Variants in AGAP1 observed in about 807,000 individuals in gnomAD.
AGAP1 encodes ArfGAP with GTPase domain, ankyrin repeat and PH domain 1.
In AGAP1, 29 loss-of-function variants were observed where a neutral mutation model predicts 105.3. The ratio of observed to expected loss-of-function variants is 0.28; its 90% confidence interval spans 0.21 to 0.38. The LOEUF is 0.38. Ranked by LOEUF, AGAP1 falls within the 10% of genes least tolerant of loss-of-function variation. AGAP1 has a pLI of 1.00. For synonymous variants in AGAP1, 509 were observed against 485.9 expected (o/e 1.05, Z -0.63); for missense variants, 998 against 1,165.1 (o/e 0.86, Z 2.09).
chr2:235,760,327 T>C (rs781244341), intron 6 of AGAP1, among the ~76,000 whole-genome samples: 1 of 152,166 alleles, frequency 6.6e-6, no homozygotes, highest in Non-Finnish European at 1.5e-5. Flanking sequence ...TGCAGTGAGC[T>C]GAGATCACGC....
intron 8 of AGAP1, among the ~76,000 whole-genome samples, chr2:235,805,274 A>T (rs1957780705): frequency 6.6e-6 from 1 of 152,094 alleles, no homozygotes; most frequent in Non-Finnish European, 1.5e-5. Context: ...TCAGATATTG[A>T]GTTTGGTGGT....
At chr2:235,949,929 C>G (rs544931151) in intron 12 of AGAP1, among the ~76,000 whole-genome samples, 1 of 152,294 alleles carries the variant, frequency 6.6e-6, no homozygotes, top group East Asian at 1.9e-4. Flanking sequence ...AACTAGAAAA[C>G]TAACTGGAAT....
At chr2:236,017,133 A>T (rs1250078632) in intron 13 of AGAP1, among the ~76,000 whole-genome samples, 3 of 147,232 alleles carry the variant, frequency 2.0e-5, no homozygotes, top group East Asian at 2.0e-4. Context: ...TACTAAAAAT[A>T]AAAAAAAAAA....
rs947284066 is a variant in AGAP1, at chr2:235,958,505, A to T, written c.1484-9957A>T. Reference sequence around the variant, plus strand: ...ACTCATCTCTTGAATATCACCCGGGATATCAAAAACCTATCAGCACACCTG... The same window carrying T: ...ACTCATCTCTTGAATATCACCCGGGTTATCAAAAACCTATCAGCACACCTG... On this transcript the variant is annotated intron_variant, in intron 12 of 17. Coordinates refer to ENST00000304032, the MANE Select transcript of AGAP1 (RefSeq NM_001037131.3). The surrounding 1 kb of genome is among the most constrained non-coding windows in gnomAD (Gnocchi z 4.1). Among the ~76,000 whole-genome samples the T allele has an allele frequency of 3.3e-5, 5 of 152,192 alleles. No homozygotes were observed. Among genetic ancestry groups the T allele is most frequent in the Admixed American group, 3.3e-4 (5 of 15,294 alleles).
At chr2:235,510,404 A>G (rs554375831) in intron 1 of AGAP1, among the ~76,000 whole-genome samples, 7 of 152,154 alleles carry the variant, frequency 4.6e-5, no homozygotes, top group Non-Finnish European at 1.0e-4. Context: ...TTGCTGAGTA[A>G]TGTTCCATTG....
chr2:235,958,221 A>T lies in AGAP1; in HGVS notation c.1484-10241A>T, dbSNP rs942033332. ...CTAGCAAATTCGTGGCGTGCCCCTC[A>T]TCAAACTACGTCCCCTGAGGGAGAG... On this transcript the variant is annotated intron_variant, in intron 12 of 17. Transcript: ENST00000304032. This position sits in a 1 kb window ranked among gnomAD's most constrained non-coding sequence, Gnocchi z 4.1. Among the ~76,000 whole-genome samples the T allele has an allele frequency of 2.6e-5, 4 of 152,096 alleles. No individual in the cohort carries two copies. The highest frequency in any genetic ancestry group is 7.2e-5 in the African/African-American group (3 of 41,432).
chr2:235,808,703 C>T (rs1957971238), intron 9 of AGAP1, among the ~76,000 whole-genome samples: 1 of 152,150 alleles, frequency 6.6e-6, no homozygotes, highest in African/African-American at 2.4e-5. Flanking sequence ...CACCAAGGCC[C>T]TCAGGCATCT....
chr2:236,022,286 C>T (rs2056911118), intron 13 of AGAP1, among the ~76,000 whole-genome samples: 1 of 152,184 alleles, frequency 6.6e-6, no homozygotes, highest in South Asian at 2.1e-4. Flanking sequence ...TGCTTCTTCA[C>T]AGAATTAATC....
At chr2:235,986,163 T>G (rs912015714) in intron 13 of AGAP1, among the ~76,000 whole-genome samples, 3 of 152,158 alleles carry the variant, frequency 2.0e-5, no homozygotes, top group African/African-American at 4.8e-5. Flanking sequence ...GGTTTGTCGT[T>G]CTCCTTGCAC....
chr2:235,776,263 G>T (rs527907812), intron 6 of AGAP1, among the ~76,000 whole-genome samples: 1 of 152,178 alleles, frequency 6.6e-6, no homozygotes, highest in Non-Finnish European at 1.5e-5. Flanking sequence ...CCTCGCAGGG[G>T]TGGTCAGGAC....
intron 13 of AGAP1, among the ~76,000 whole-genome samples, chr2:236,018,093 C>A (rs979930940): frequency 2.0e-5 from 3 of 152,180 alleles, no homozygotes; most frequent in Non-Finnish European, 4.4e-5. Context: ...GAGATAGAAA[C>A]TTTGGATATA....
At chr2:235,537,211 G>T (rs947811421) in intron 1 of AGAP1, among the ~76,000 whole-genome samples, 2 of 152,244 alleles carry the variant, frequency 1.3e-5, no homozygotes, top group Non-Finnish European at 2.9e-5. Flanking sequence ...GGAAAACAAT[G>T]AGAGCGGGGG....
intron 1 of AGAP1, among the ~76,000 whole-genome samples, chr2:235,511,816 G>A (rs1217949563): frequency 6.6e-6 from 1 of 151,652 alleles, no homozygotes; most frequent in Non-Finnish European, 1.5e-5. Context: ...ATTTGTGTGA[G>A]TGTGTGTGAA....
At chr2:235,902,467 C>T (rs1575737836) in intron 10 of AGAP1, among the ~76,000 whole-genome samples, 1 of 152,106 alleles carries the variant, frequency 6.6e-6, no homozygotes, top group Non-Finnish European at 1.5e-5. Flanking sequence ...TGTCATACCC[C>T]GGTCATTTCA....
intron 1 of AGAP1, among the ~76,000 whole-genome samples, chr2:235,636,326 C>T (rs1305524930): frequency 1.3e-5 from 2 of 152,030 alleles, no homozygotes; most frequent in Admixed American, 1.3e-4. Flanking sequence ...GTGTCCCCTG[C>T]CCCCAATTTT....
chr2:235,538,586 C>T (rs1038819947), intron 1 of AGAP1, among the ~76,000 whole-genome samples: 1 of 152,006 alleles, frequency 6.6e-6, no homozygotes, highest in African/African-American at 2.4e-5. Context: ...TTGTTGCAGG[C>T]ATGGAGCAAA....
intron 9 of AGAP1, among the ~76,000 whole-genome samples, chr2:235,849,084 C>A (rs1961852564): frequency 6.6e-6 from 1 of 152,202 alleles, no homozygotes; most frequent in Admixed American, 6.5e-5. Flanking sequence ...ATTAGTTTCA[C>A]CCCACCATTG....
In AGAP1 at chr2:236,095,145, C is replaced by G. The variant is rs980686775; in HGVS notation, c.2115-25047C>G. ...GGCGTGGTGGTTGACGCCTGTAATT[C>G]CAACACTTCGGGAGGCCAAGGCGGG... On this transcript the variant is annotated intron_variant, in intron 16 of 17. Transcript: ENST00000304032. The surrounding 1 kb of genome is among the most constrained non-coding windows in gnomAD (Gnocchi z 4.1). Among the ~76,000 whole-genome samples, 2 of 151,912 alleles carry G rather than the reference C, an allele frequency of 1.3e-5. No homozygotes were observed. The highest frequency in any genetic ancestry group is 2.4e-5 in the African/African-American group (1 of 41,344).
Position 235,992,425 on chromosome 2 carries a change from A to G in AGAP1, c.1645+23802A>G, listed in dbSNP as rs2055609493. Among the ~76,000 whole-genome samples, 2 of 152,194 alleles carry G rather than the reference A, an allele frequency of 1.3e-5. No individual in the cohort carries two copies. The highest frequency in any genetic ancestry group is 2.9e-5 in the Non-Finnish European group (2 of 68,024). Reference sequence around the variant, plus strand: ...CCTGTGCTTTGAGTGTCTGGCGTTCAGTGGCAGGGGACCCTCCATGTGGGG... The same window carrying G: ...CCTGTGCTTTGAGTGTCTGGCGTTCGGTGGCAGGGGACCCTCCATGTGGGG... On this transcript the variant is annotated intron_variant, in intron 13 of 17. Coordinates refer to ENST00000304032, the MANE Select transcript of AGAP1 (RefSeq NM_001037131.3). The surrounding 1 kb of genome is among the most constrained non-coding windows in gnomAD (Gnocchi z 4.8).
Sources: allele counts gnomAD v4.1 joint callset (sites outside exome capture counted in the v4.1 genomes callset), GRCh38; gene constraint gnomAD v4.1.1; non-coding constraint Gnocchi (gnomAD v3.1); transcripts MANE v1.5; gene names NCBI Gene and HGNC (gene_info 2026-07-23, HGNC 2026-07-21).